The following CLCN3 variants were observed in gnomAD, a reference collection of about 807,000 sequenced individuals.
CLCN3 encodes Cl-/H+ antiporter 3, also known as H(+)/Cl(-) exchange transporter 3.
In CLCN3, 16 loss-of-function variants were observed where a neutral mutation model predicts 83.4. The ratio of observed to expected loss-of-function variants is 0.19; its 90% confidence interval spans 0.13 to 0.29. The LOEUF is 0.29. Among genes scored for constraint, CLCN3 ranks in the 10% least tolerant of loss-of-function variants. CLCN3 has a pLI of 1.00. For synonymous variants in CLCN3, 322 were observed against 346.2 expected, an observed-to-expected ratio of 0.93 and a Z score of 0.78; for missense variants, 544 against 1,006.0, an observed-to-expected ratio of 0.54 and a Z score of 6.21.
In CLCN3 at chr4:169,695,477, T is replaced by C. The variant is rs1450449541; in HGVS notation, c.937-135T>C. On this transcript the variant is annotated intron_variant, in intron 7 of 12. Coordinates refer to ENST00000513761, the MANE Select transcript of CLCN3 (RefSeq NM_001829.4). Reference sequence around the variant, plus strand: ...TAATAGAAGAAATGAATAGTTACCCTTTGCTTAGGGAGCAAGGAAACATGC... The same window carrying C: ...TAATAGAAGAAATGAATAGTTACCCCTTGCTTAGGGAGCAAGGAAACATGC... 1.2e-5 allele frequency: 8 copies of C among 679,104 alleles called. No individual in the cohort carries two copies. The Admixed American group carries it at 2.2e-4, about 18-fold the overall frequency. The allele number at this position is 679,104 out of a possible 1,614,324, so 42.1% of individuals were successfully genotyped here.
intron 10 of CLCN3, 114 bp from the exon 11 acceptor site, chr4:169,706,754 C>T: frequency 1.3e-6 from 1 of 789,492 alleles, no homozygotes. Flanking sequence ...TAATGCTTTT[C>T]CCTGACTGAG....
chr4:169,637,454 A>G (rs1019468447), intron 2 of CLCN3, among the ~76,000 whole-genome samples: 1 of 152,034 alleles, frequency 6.6e-6, no homozygotes, highest in East Asian at 1.9e-4. Flanking sequence ...GGAGTTTGAG[A>G]CCAACCTGGG....
intron 5 of CLCN3, 88 bp downstream of exon 5, chr4:169,689,318 A>T: frequency 2.7e-6 from 3 of 1,101,614 alleles, no homozygotes; most frequent in Non-Finnish European, 3.9e-6. Flanking sequence ...ATCACATATT[A>T]GATGATTACA....
rs144459557 is a variant in CLCN3, at chr4:169,707,958, G to A, written c.2149+692G>A. Among the ~76,000 whole-genome samples, 707 of 152,162 alleles carry A rather than the reference G, an allele frequency of 4.6e-3. 3 individuals carry two copies. Among genetic ancestry groups the A allele is most frequent in the Non-Finnish European group, 7.3e-3 (497 of 67,992 alleles). On this transcript the variant is annotated intron_variant, in intron 11 of 12. Coordinates refer to ENST00000513761, the MANE Select transcript of CLCN3 (RefSeq NM_001829.4). Reference sequence around the variant, plus strand: ...GTTTTTCTCTTTACCTTATAGTCCCGCAGTATTGATGAGGAGACCATTAAG... The same window carrying A: ...GTTTTTCTCTTTACCTTATAGTCCCACAGTATTGATGAGGAGACCATTAAG...
At chr4:169,624,265 C>T (rs1279430075) in intron 1 of CLCN3, among the ~76,000 whole-genome samples, 1 of 152,118 alleles carries the variant, frequency 6.6e-6, no homozygotes, top group Non-Finnish European at 1.5e-5. Flanking sequence ...TCTGGAGTAG[C>T]TGGGATTACA....
At chr4:169,703,598 T>C (rs778469115) in intron 9 of CLCN3, among the ~76,000 whole-genome samples, 1 of 152,154 alleles carries the variant, frequency 6.6e-6, no homozygotes, top group Admixed American at 6.5e-5. Flanking sequence ...AATTCTATAA[T>C]GGTGAAGTCT....
At chr4:169,701,240 C>T (rs1332029920) in intron 9 of CLCN3, among the ~76,000 whole-genome samples, 2 of 152,194 alleles carry the variant, frequency 1.3e-5, no homozygotes, top group East Asian at 1.9e-4. Flanking sequence ...TTTCTTTGCT[C>T]ATCCATAAGA....
intron 2 of CLCN3, among the ~76,000 whole-genome samples, chr4:169,642,479 A>G (rs1476571558): frequency 6.6e-6 from 1 of 152,178 alleles, no homozygotes; most frequent in Non-Finnish European, 1.5e-5. Flanking sequence ...GTAAAATTTC[A>G]CAGGGCTTTG....
At chr4:169,700,029 G>A (rs977014735) in intron 9 of CLCN3, among the ~76,000 whole-genome samples, 4 of 152,134 alleles carry the variant, frequency 2.6e-5, no homozygotes, top group African/African-American at 9.7e-5. Context: ...CTTTCTCACA[G>A]TCAGTTGAAC....
intron 2 of CLCN3, chr4:169,662,737 A>G (rs1731099918): frequency 6.6e-6 from 1 of 152,194 alleles, no homozygotes; most frequent in Non-Finnish European, 1.5e-5. Context: ...GAAGCTTCCT[A>G]TTTAAGTAAA....
chr4:169,675,252 C>T (rs908039635), intron 2 of CLCN3, among the ~76,000 whole-genome samples: 4 of 152,166 alleles, frequency 2.6e-5, no homozygotes, highest in South Asian at 2.1e-4. Flanking sequence ...GTATTGGCAT[C>T]GTGGTTCTTT....
intron 2 of CLCN3, chr4:169,662,995 G>C (rs1731107358): frequency 6.6e-6 from 1 of 151,902 alleles, no homozygotes; most frequent in African/African-American, 2.4e-5. Context: ...TAGTTTTAGA[G>C]GTCAAATTTC....
At chr4:169,626,351 TG>T (rs972903414) in intron 1 of CLCN3, among the ~76,000 whole-genome samples, 1 of 152,212 alleles carries the variant, frequency 6.6e-6, no homozygotes, top group African/African-American at 2.4e-5. Context: ...CCACTCCTTT[TG>T]GGTTTTTATG....
At chr4:169,718,267 T>TTC (rs1733501107) in intron 12 of CLCN3, among the ~76,000 whole-genome samples, 1 of 152,150 alleles carries the variant, frequency 6.6e-6, no homozygotes, top group African/African-American at 2.4e-5. Flanking sequence ...TTTTTTTTTT[T>TTC]TTAAATGTTT....
intron 2 of CLCN3, among the ~76,000 whole-genome samples, chr4:169,661,990 G>A (rs1009181671): frequency 1.3e-5 from 2 of 152,068 alleles, no homozygotes; most frequent in African/African-American, 4.8e-5. Context: ...ACAACATTTG[G>A]TTGTTAATGA....
At chr4:169,657,958 T>C (rs1338910090) in intron 2 of CLCN3, among the ~76,000 whole-genome samples, 1 of 152,170 alleles carries the variant, frequency 6.6e-6, no homozygotes, top group East Asian at 1.9e-4. Context: ...CCTTGTGCTT[T>C]TCTAAATTGT....
Position 169,706,769 on chromosome 4 carries a change from A to G in CLCN3, c.1751-99A>G, listed in dbSNP as rs540963672. 5.4e-5 allele frequency: 50 copies of G among 927,470 alleles called. No individual in the cohort carries two copies. In the African/African-American group the frequency reaches 5.5e-4, roughly 10 times the overall value. 57.5% of individuals were successfully genotyped at this position (927,470 alleles called of 1,614,324 possible). A position where few individuals can be genotyped will look rare whatever the true frequency, so the allele number is the denominator to read the frequency against. The stretch of plus-strand genomic sequence containing the variant: ...TAATGCTTTTCCCTGACTGAGTTCT[A>G]TTTGCCATTTAGTTTTAACTGCCTA... On this transcript the variant is annotated intron_variant, in intron 10 of 12. Coordinates refer to ENST00000513761, the MANE Select transcript of CLCN3 (RefSeq NM_001829.4).
intron 1 of CLCN3, among the ~76,000 whole-genome samples, chr4:169,629,707 T>A (rs971813523): frequency 6.6e-6 from 1 of 152,136 alleles, no homozygotes; most frequent in Non-Finnish European, 1.5e-5. Flanking sequence ...GAGTATACAG[T>A]GTTGAGCAAA....
chr4:169,720,523 TA>T lies in CLCN3; in HGVS notation c.*527del, dbSNP rs1733596575. ...CCTTTCTACATTCCAGAAGAGCCTT[TA>T]TTTCTCTCTCTCTCTCTCTCTCTCT... is the stretch of plus-strand genomic sequence containing the variant. On this transcript the variant is annotated 3_prime_UTR_variant, in exon 13 of 13. Coordinates refer to ENST00000513761, the MANE Select transcript of CLCN3 (RefSeq NM_001829.4). 1.6e-5 allele frequency: 2 copies of T among 121,958 alleles called. No homozygotes were observed. Among genetic ancestry groups the T allele is most frequent in the Non-Finnish European group, 3.4e-5 (2 of 59,368 alleles). 7.6% of individuals were successfully genotyped at this position (121,958 alleles called of 1,614,324 possible). A position where few individuals can be genotyped will look rare whatever the true frequency, so the allele number is the denominator to read the frequency against.
Sources: allele counts gnomAD v4.1 joint callset (sites outside exome capture counted in the v4.1 genomes callset), GRCh38; gene constraint gnomAD v4.1.1; transcripts MANE v1.5; gene names NCBI Gene and HGNC (gene_info 2026-07-23, HGNC 2026-07-21).